The following CUL2 variants were observed in gnomAD, a reference collection of about 807,000 sequenced individuals.
CUL2 encodes cullin-2.
Under a neutral mutation model 110.2 loss-of-function variants are expected in CUL2, and 22 were observed. The observed-to-expected ratio is 0.20, with a 90% CI of 0.14 to 0.28. The LOEUF (loss-of-function observed/expected upper bound fraction) is 0.28, where lower values mean the gene tolerates loss of function less well. Ranked by LOEUF, CUL2 falls within the 10% of genes least tolerant of loss-of-function variation. The pLI, the probability that CUL2 is intolerant of heterozygous loss-of-function variation, is 1.00. For synonymous variants in CUL2, 279 were observed against 293.2 expected, an observed-to-expected ratio of 0.95 and a Z score of 0.49; for missense variants, 631 against 905.5, an observed-to-expected ratio of 0.70 and a Z score of 3.89.
At chr10:35,081,915 G>C (rs548385484) in intron 1 of CUL2, among the ~76,000 whole-genome samples, 181 of 152,184 alleles carry the variant, frequency 1.2e-3, no homozygotes, top group South Asian at 1.5e-3. Flanking sequence ...GAAGACACAG[G>C]CATGGAAGAA....
chr10:35,028,901 A>C lies in CUL2; in HGVS notation c.1540-14T>G. On this transcript the variant is annotated splice_polypyrimidine_tract_variant and intron_variant, in intron 15 of 20. Coordinates refer to ENST00000374749, the MANE Select transcript of CUL2 (RefSeq NM_003591.4). ...CCACGCACCAGCCTAGAAGGAAAAA[A>C]ATAAAATAAAATAAGCTAAATGGAT... The C allele has an allele frequency of 6.7e-7, 1 of 1,498,108 alleles. No homozygotes were observed. 92.8% of individuals were successfully genotyped at this position (1,498,108 alleles called of 1,614,324 possible). A position where few individuals can be genotyped will look rare whatever the true frequency, so the allele number is the denominator to read the frequency against.
At chr10:35,093,870 A>C (rs2087252282), upstream of CUL2, among the ~76,000 whole-genome samples, 1 of 152,080 alleles carries the variant, frequency 6.6e-6, no homozygotes, top group South Asian at 2.1e-4. Flanking sequence ...AAAATACAAA[A>C]GCAATCCTTT....
intron 1 of CUL2, chr10:35,074,131 T>C: frequency 1.3e-6 from 2 of 1,485,880 alleles, no homozygotes; most frequent in African/African-American, 2.8e-5. Context: ...AAAACAAAGT[T>C]CTTGACTTCA....
Position 35,071,152 on chromosome 10 carries a change from A to T in CUL2, c.119+47T>A, listed in dbSNP as rs757430261. On this transcript the variant is annotated intron_variant, in intron 2 of 20. Transcript: ENST00000374749. Reference sequence around the variant, plus strand: ...TTGAACATGTTCTCAGTTTTCAACAAATTTATCAATTTTAGAACATTGATC... The same window carrying T: ...TTGAACATGTTCTCAGTTTTCAACATATTTATCAATTTTAGAACATTGATC... 6 of 1,577,406 alleles carry T rather than the reference A, an allele frequency of 3.8e-6. No individual in the cohort carries two copies. In the Admixed American group the frequency reaches 9.0e-5, roughly 24 times the overall value.
intron 17 of CUL2, among the ~76,000 whole-genome samples, chr10:35,016,933 A>C: frequency 6.6e-6 from 1 of 151,430 alleles, no homozygotes. Flanking sequence ...TCTCAAAAAA[A>C]AAAAAAAAAC....
At chr10:35,010,556 C>A in intron 20 of CUL2, 114 bp from the exon 21 acceptor site, 5 of 912,572 alleles carry the variant, frequency 5.5e-6, no homozygotes, top group South Asian at 2.7e-5. Flanking sequence ...ACAAATGGGC[C>A]AAATTAAGTA....
Position 35,031,997 on chromosome 10 carries a change from A to C in CUL2, c.1171-378T>G, listed in dbSNP as rs1182358725. 6.6e-6 allele frequency among the ~76,000 whole-genome samples: 1 copy of C among 152,242 alleles called. No homozygotes were observed. The highest frequency in any genetic ancestry group is 1.5e-5 in the Non-Finnish European group (1 of 68,038). On this transcript the variant is annotated intron_variant, in intron 12 of 20. Transcript: ENST00000374749. This position sits in a 1 kb window ranked among gnomAD's most constrained non-coding sequence, Gnocchi z 4.4. ...TCAAATCATCACTTATTGACCAATA[A>C]AGCAACTGATATAAGTAATACAAAT...
At chr10:35,080,684 G>A (rs2086925894) in intron 1 of CUL2, among the ~76,000 whole-genome samples, 1 of 152,030 alleles carries the variant, frequency 6.6e-6, no homozygotes. Flanking sequence ...TTGAACTCCT[G>A]AGCTCAAGCT....
intron 6 of CUL2, 43 bp downstream of exon 6, chr10:35,049,640 A>T (rs779446884): frequency 6.6e-7 from 1 of 1,521,000 alleles, no homozygotes; most frequent in Non-Finnish European, 9.1e-7. Context: ...CATATCAAAC[A>T]ACAAAATAAA....
intron 5 of CUL2, among the ~76,000 whole-genome samples, chr10:35,050,733 T>C (rs1334928443): frequency 6.6e-6 from 1 of 152,198 alleles, no homozygotes; most frequent in Non-Finnish European, 1.5e-5. Flanking sequence ...CTACTGCTGA[T>C]GACTGCTGAT....
intron 2 of CUL2, among the ~76,000 whole-genome samples, chr10:35,063,658 G>A (rs1406425775): frequency 6.6e-6 from 1 of 151,784 alleles, no homozygotes; most frequent in Non-Finnish European, 1.5e-5. Flanking sequence ...GTAGATAACA[G>A]AAGGAGTGGA....
intron 18 of CUL2, among the ~76,000 whole-genome samples, chr10:35,015,955 G>A (rs1395723139): frequency 1.3e-5 from 2 of 152,162 alleles, no homozygotes; most frequent in Non-Finnish European, 2.9e-5. Context: ...TATTCAATAA[G>A]CTGTAACAGT....
intron 1 of CUL2, among the ~76,000 whole-genome samples, chr10:35,115,710 A>T (rs1240577309): frequency 1.3e-5 from 2 of 152,092 alleles, no homozygotes; most frequent in East Asian, 3.9e-4. Context: ...CCTGGGCAAC[A>T]TAGTGACACC....
Position 35,020,737 on chromosome 10 carries a change from A to G in CUL2, c.1685-4343T>C, listed in dbSNP as rs367864303. 6.6e-5 allele frequency among the ~76,000 whole-genome samples: 10 copies of G among 152,286 alleles called. No homozygotes were observed. The East Asian group carries it at 1.4e-3, about 21-fold the overall frequency. ...ATGGTTTCTGTCACACTGTCTGGTTATATCTCTTTATCAAGTATCTGTATG... is the reference window on the plus strand; with the variant it reads ...ATGGTTTCTGTCACACTGTCTGGTTGTATCTCTTTATCAAGTATCTGTATG... On this transcript the variant is annotated intron_variant, in intron 17 of 20. Coordinates refer to ENST00000374749, the MANE Select transcript of CUL2 (RefSeq NM_003591.4).
At chr10:35,115,419 G>A (rs2087582146) in intron 1 of CUL2, among the ~76,000 whole-genome samples, 2 of 148,654 alleles carry the variant, frequency 1.3e-5, no homozygotes, top group Admixed American at 6.7e-5. Context: ...ATTTAGCCAG[G>A]CATGCTGGCA....
At position 35,009,183 on chromosome 10, in the gene CUL2, GATATATATATATATATATTATAT is replaced by G. The variant is rs1046780722; in HGVS notation, c.*1105_*1127del. On this transcript the variant is annotated 3_prime_UTR_variant, in exon 21 of 21. Transcript: ENST00000374749. Reference sequence around the variant, plus strand: ...GCAGTACTCTTAACACTGCTGTTGAGATATATATATATATATATTATATATATATATATATATAAAATAAACAA... The same window carrying G: ...GCAGTACTCTTAACACTGCTGTTGAGATATATATATATATAAAATAAACAA... 91 of 117,048 alleles carry G rather than the reference GATATATATATATATATATTATAT, an allele frequency of 7.8e-4. 1 individual carries two copies. Among genetic ancestry groups the G allele is most frequent in the Middle Eastern group, 4.2e-3 (1 of 240 alleles). The allele number at this position is 117,048 out of a possible 1,614,324, so 7.3% of individuals were successfully genotyped here. A position where few individuals can be genotyped will look rare whatever the true frequency, so the allele number is the denominator to read the frequency against.
chr10:35,054,694 A>G (rs1421898572), intron 4 of CUL2, among the ~76,000 whole-genome samples, 155 bp from the exon 5 acceptor site: 2 of 152,228 alleles, frequency 1.3e-5, no homozygotes, highest in Non-Finnish European at 2.9e-5. Flanking sequence ...GAGATTAGAA[A>G]TATAATAAAA....
chr10:35,032,525 C>A, intron 11 of CUL2, 31 bp from the exon 12 acceptor site: 2 of 1,542,786 alleles, frequency 1.3e-6, no homozygotes, highest in Non-Finnish European at 8.8e-7. Context: ...TAATTAACCA[C>A]CAGCCATAGG....
At chr10:35,038,525 C>CA (rs61022194) in intron 9 of CUL2, among the ~76,000 whole-genome samples, 9,519 of 65,436 alleles carry the variant, frequency 0.15, 2,026 homozygotes, top group East Asian at 0.24. Context: ...GACTCTGTCT[C>CA]AAAAAAAAAA....
Sources: gnomAD v4.1 joint callset for allele counts (sites outside exome capture counted in the v4.1 genomes callset) on GRCh38, gnomAD v4.1.1 for gene constraint, Gnocchi (gnomAD v3.1) non-coding constraint, MANE v1.5 for transcripts, NCBI Gene and HGNC (gene_info 2026-07-23, HGNC 2026-07-21) for gene names.